The following WDR33 variants were observed in gnomAD, a reference collection of about 807,000 sequenced individuals.
WDR33 encodes the protein pre-mRNA 3' end processing protein WDR33.
A neutral mutation model predicts 164.9 loss-of-function variants in WDR33; 47 were observed. The observed-to-expected ratio is 0.29, with a 90% CI of 0.23 to 0.36. The LOEUF (loss-of-function observed/expected upper bound fraction) is 0.36, where lower values mean the gene tolerates loss of function less well. WDR33 is among the 10% of genes least tolerant of loss of function. The probability of loss-of-function intolerance (pLI) is 1.00; values close to 1 mark genes in which losing one functional copy is unlikely to be tolerated. For synonymous variants in WDR33, 505 were observed against 589.0 expected, an observed-to-expected ratio of 0.86 and a Z score of 2.06; for missense variants, 1,137 against 1,754.1, an observed-to-expected ratio of 0.65 and a Z score of 6.28.
intron 7 of WDR33, among the ~76,000 whole-genome samples, chr2:127,752,932 T>C (rs1394315549): frequency 2.6e-5 from 4 of 152,198 alleles, no homozygotes; most frequent in Non-Finnish European, 4.4e-5. Flanking sequence ...TATTTATTTA[T>C]TTATTTATGA....
intron 18 of WDR33, among the ~76,000 whole-genome samples, chr2:127,711,147 G>A (rs1008391620): frequency 1.3e-5 from 2 of 152,136 alleles, no homozygotes; most frequent in African/African-American, 4.8e-5. Context: ...CAGGATGGCC[G>A]GGCACAGTGG....
intron 1 of WDR33, among the ~76,000 whole-genome samples, chr2:127,778,441 A>G (rs938783660): frequency 1.8e-4 from 9 of 48,840 alleles, no homozygotes; most frequent in African/African-American, 1.1e-3. Context: ...CATCTCAAGA[A>G]AAAAAAAAAA....
intron 1 of WDR33, among the ~76,000 whole-genome samples, chr2:127,793,430 C>T (rs1361726063): frequency 6.7e-6 from 1 of 149,774 alleles, no homozygotes; most frequent in East Asian, 2.0e-4. Context: ...GACTCTGTCT[C>T]AAGGAAAAAA....
rs138796698 is a variant in WDR33 at position 127,757,792 on chromosome 2, T to G, written c.724+5270A>C. On this transcript the variant is annotated intron_variant, in intron 7 of 21. Coordinates refer to ENST00000322313, the MANE Select transcript of WDR33 (RefSeq NM_018383.5). ...AGTTATTTCCAATAAAAAGCACCCA[T>G]TTTTTGGAACATTCAAACTTTGTAA... is the stretch of plus-strand genomic sequence containing the variant. Among the ~76,000 whole-genome samples, 286 of 152,334 alleles carry G rather than the reference T, an allele frequency of 1.9e-3. 9 individuals are homozygous for G. In the East Asian group the frequency reaches 0.047, roughly 25 times the overall value.
rs1007361845 is a variant in WDR33, at chr2:127,722,901, T to C, written c.1378+57A>G. The C allele has an allele frequency of 2.1e-5, 32 of 1,513,992 alleles. No individual in the cohort carries two copies. The highest frequency in any genetic ancestry group is 2.7e-5 in the Non-Finnish European group (30 of 1,118,592). 93.8% of individuals were successfully genotyped at this position (1,513,992 alleles called of 1,614,324 possible). On this transcript the variant is annotated intron_variant, in intron 13 of 21. Transcript: ENST00000322313. This position sits in a 1 kb window ranked among gnomAD's most constrained non-coding sequence, Gnocchi z 5.1. ...TATTTCAATATATTTATCAGGAACATAAACGGGTCAAGAAAAAATTTGTAA... is the reference window on the plus strand; with the variant it reads ...TATTTCAATATATTTATCAGGAACACAAACGGGTCAAGAAAAAATTTGTAA...
intron 1 of WDR33, among the ~76,000 whole-genome samples, chr2:127,788,200 A>AC (rs1268224081): frequency 7.5e-5 from 7 of 93,038 alleles, no homozygotes; most frequent in African/African-American, 2.2e-4. Context: ...CGGAGGGCTG[A>AC]CCCCCCCACC....
At chr2:127,750,377 T>G (rs1478256851) in intron 7 of WDR33, among the ~76,000 whole-genome samples, 1 of 151,672 alleles carries the variant, frequency 6.6e-6, no homozygotes, top group Non-Finnish European at 1.5e-5. Flanking sequence ...CCAGGCACAG[T>G]AGCTCACACC....
rs1488869964 is a variant in WDR33 at position 127,764,666 on chromosome 2, A to T, written c.626+162T>A. ...CACTACTTCAGAAAGGTGCCAGCAAAATGGTGAATGTGTGAAAACAAAGAA... is the reference window on the plus strand; with the variant it reads ...CACTACTTCAGAAAGGTGCCAGCAATATGGTGAATGTGTGAAAACAAAGAA... On this transcript the variant is annotated intron_variant, in intron 6 of 21. Transcript: ENST00000322313. This position sits in a 1 kb window ranked among gnomAD's most constrained non-coding sequence, Gnocchi z 6.2. 10 of 1,575,294 alleles carry T rather than the reference A, an allele frequency of 6.3e-6. No individual in the cohort carries two copies. In the South Asian group the frequency reaches 1.0e-4, roughly 16 times the overall value.
chr2:127,765,899 T>A (rs1481055916), intron 4 of WDR33, among the ~76,000 whole-genome samples: 2 of 152,148 alleles, frequency 1.3e-5, no homozygotes, highest in Non-Finnish European at 2.9e-5. Context: ...CCATGACTAA[T>A]TAACACTACA....
At position 127,716,561 on chromosome 2, in the gene WDR33, C is replaced by G. The variant is rs1686307199; in HGVS notation, c.2869+594G>C. On this transcript the variant is annotated intron_variant, in intron 17 of 21. Coordinates refer to ENST00000322313, the MANE Select transcript of WDR33 (RefSeq NM_018383.5). This position sits in a 1 kb window ranked among gnomAD's most constrained non-coding sequence, Gnocchi z 4.5. ...GGGGGGTCCCACCCATCTCAGGGGC[C>G]ATGGTGCCCTGCGTGCTCTCCTTCA... Among the ~76,000 whole-genome samples, 1 of 152,222 alleles carries G rather than the reference C, an allele frequency of 6.6e-6. No homozygotes were observed. Among genetic ancestry groups the G allele is most frequent in the African/African-American group, 2.4e-5 (1 of 41,456 alleles).
intron 18 of WDR33, among the ~76,000 whole-genome samples, chr2:127,711,064 T>C (rs568703240): frequency 6.6e-6 from 1 of 152,284 alleles, no homozygotes; most frequent in East Asian, 1.9e-4. Context: ...ATAATCACAA[T>C]ACCTTTACAC....
rs1689636646 is a variant in WDR33 at position 127,811,084 on chromosome 2, T to C, written c.-96A>G. On this transcript the variant is annotated 5_prime_UTR_variant, in exon 1 of 22. Transcript: ENST00000322313. This position sits in a 1 kb window ranked among gnomAD's most constrained non-coding sequence, Gnocchi z 4.1. ...TTCAGAGCCAGAAATGTCTCTCTTG[T>C]TTGGTCTCCCCACCCCGATCCTCTC... 1.3e-5 allele frequency: 2 copies of C among 152,696 alleles called. No homozygotes were observed. Among genetic ancestry groups the C allele is most frequent in the East Asian group, 1.9e-4 (1 of 5,192 alleles). 9.5% of individuals were successfully genotyped at this position (152,696 alleles called of 1,614,324 possible). A position where few individuals can be genotyped will look rare whatever the true frequency, so the allele number is the denominator to read the frequency against.
chr2:127,795,539 A>C (rs932759820), intron 1 of WDR33, among the ~76,000 whole-genome samples: 2 of 151,886 alleles, frequency 1.3e-5, no homozygotes, highest in Non-Finnish European at 2.9e-5. Context: ...TTGCAGAATT[A>C]TGTACTCCAG....
chr2:127,703,766 C>G lies in WDR33; in HGVS notation c.*2557G>C, dbSNP rs900735814. 4 of 166,986 alleles carry G rather than the reference C, an allele frequency of 2.4e-5. No individual in the cohort carries two copies. The highest frequency in any genetic ancestry group is 7.2e-5 in the African/African-American group (3 of 41,390). 10.3% of individuals were successfully genotyped at this position (166,986 alleles called of 1,614,324 possible). On this transcript the variant is annotated 3_prime_UTR_variant, in exon 22 of 22. Coordinates refer to ENST00000322313, the MANE Select transcript of WDR33 (RefSeq NM_018383.5). ...TAGTTTTAAATTTCTCTAGAACTTG[C>G]AATAGTTGGGGGTTTTATAATGATG...
At chr2:127,758,265 T>C (rs1687576747) in intron 7 of WDR33, among the ~76,000 whole-genome samples, 3 of 152,196 alleles carry the variant, frequency 2.0e-5, no homozygotes, top group Non-Finnish European at 1.5e-5. Context: ...TTCTGTCAAT[T>C]ACAGCTTAGG....
intron 1 of WDR33, among the ~76,000 whole-genome samples, chr2:127,801,108 AAAAAAAAAAAG>A (rs1391270345): frequency 6.6e-6 from 1 of 151,002 alleles, no homozygotes; most frequent in East Asian, 1.9e-4. Context: ...CTCTAGGAAA[AAAAAAAAAAAG>A]AAAAGAAAAA....
chr2:127,759,735 T>C (rs986032354), intron 7 of WDR33, among the ~76,000 whole-genome samples: 2 of 151,232 alleles, frequency 1.3e-5, no homozygotes, highest in African/African-American at 2.4e-5. Context: ...AAAAAGCAAC[T>C]ATAAATTCTG....
At chr2:127,790,119 G>A (rs1446049901) in intron 1 of WDR33, among the ~76,000 whole-genome samples, 1 of 152,094 alleles carries the variant, frequency 6.6e-6, no homozygotes. Context: ...TTACAGGCAT[G>A]AGCCACCACG....
intron 7 of WDR33, among the ~76,000 whole-genome samples, chr2:127,750,775 CAT>C (rs1248749423): frequency 1.8e-5 from 2 of 114,106 alleles, no homozygotes; most frequent in Admixed American, 9.6e-5. Context: ...TATATATACA[CAT>C]ATATATACAC....
Sources: gnomAD v4.1 joint callset for allele counts (sites outside exome capture counted in the v4.1 genomes callset) on GRCh38, gnomAD v4.1.1 for gene constraint, Gnocchi (gnomAD v3.1) non-coding constraint, MANE v1.5 for transcripts, NCBI Gene and HGNC (gene_info 2026-07-23, HGNC 2026-07-21) for gene names.